The following DRC3 variants were observed in gnomAD, a reference collection of about 807,000 sequenced individuals.
DRC3 encodes the protein dynein regulatory complex subunit 3, also known as leucine rich repeat containing 48.
In DRC3, 45 loss-of-function variants were observed where a neutral mutation model predicts 57.6. The ratio of observed to expected loss-of-function variants is 0.78; its 90% CI spans 0.62 to 1.00. DRC3 has a LOEUF of 1.00. Among genes scored for constraint, DRC3 ranks in the 50% least tolerant of loss-of-function variants. The pLI is 0.00. For synonymous variants in DRC3, 257 were observed against 272.3 expected (o/e 0.94, Z 0.55); for missense variants, 655 against 675.2 (o/e 0.97, Z 0.33).
intron 12 of DRC3, among the ~76,000 whole-genome samples, chr17:18,014,687 A>G (rs2044291738): frequency 6.6e-6 from 1 of 152,124 alleles, no homozygotes; most frequent in South Asian, 2.1e-4. Context: ...GAGCTCCACT[A>G]TGACCCACCT....
chr17:17,995,128 A>AG lies in DRC3; in HGVS notation c.824+17_824+18insG. The stretch of plus-strand genomic sequence containing the variant: ...CCTTGAGACATATCCTTCTGAGTTC[A>AG]TGGCTGTCTCAGAGCCTCTGCCACC... On this transcript the variant is annotated intron_variant, in intron 8 of 13. Coordinates refer to ENST00000399187, the MANE Select transcript of DRC3 (RefSeq NM_031294.4). 6.3e-7 allele frequency: 1 copy of AG among 1,583,204 alleles called. No homozygotes were observed. The highest frequency in any genetic ancestry group is 1.1e-5 in the South Asian group (1 of 90,168).
At chr17:17,986,360 A>G (rs2042956177) in intron 4 of DRC3, among the ~76,000 whole-genome samples, 1 of 152,178 alleles carries the variant, frequency 6.6e-6, no homozygotes, top group Non-Finnish European at 1.5e-5. Context: ...GGCCTGGCAT[A>G]GAGAAAGGAC....
At chr17:17,990,805 A>G (rs2043192012) in intron 5 of DRC3, among the ~76,000 whole-genome samples, 1 of 152,214 alleles carries the variant, frequency 6.6e-6, no homozygotes, top group African/African-American at 2.4e-5. Context: ...AAGCTTGGCC[A>G]ACATGGCGAA....
Position 17,977,665 on chromosome 17 carries a change from G to A in DRC3, c.67G>A (p.Gly23Arg), listed in dbSNP as rs199764732. 47 of 1,613,948 alleles carry A rather than the reference G, an allele frequency of 2.9e-5. No homozygotes were observed. The African/African-American group carries it at 4.1e-4, about 14-fold the overall frequency. The change falls in exon 3 of 14, where the codon GGG becomes AGG. Residue 23 changes from glycine (G) to arginine (R), a missense_variant. Coordinates refer to ENST00000399187, the MANE Select transcript of DRC3 (RefSeq NM_031294.4). ...CGATGACATGCTCAAGCTGGCCGTC[G>A]GGGACCAGGGCCCCCAGGAGGAGGC... ...MDDDMLKLAV[G>R]DQGPQEEAGQ...
rs779317595 is a variant in DRC3 at position 17,997,504 on chromosome 17, A to G, written c.869A>G (p.Tyr290Cys). 3.7e-6 allele frequency: 6 copies of G among 1,613,344 alleles called. No homozygotes were observed. Among genetic ancestry groups the G allele is most frequent in the Middle Eastern group, 1.6e-4 (1 of 6,062 alleles). ...ATCATCTGCGTGAATATTTTTGAGT[A>G]TGGCCTGAAACAGCAGGAGAAGCGG... is the stretch of plus-strand genomic sequence containing the variant. Reference protein sequence around the residue: ...FVIICVNIFEYGLKQQEKRKT... With the variant: ...FVIICVNIFECGLKQQEKRKT... Residue 290 changes from tyrosine to cysteine, a missense_variant, in exon 9 of 14, where the codon TAT (tyrosine) becomes TGT (cysteine). Coordinates refer to ENST00000399187, the MANE Select transcript of DRC3 (RefSeq NM_031294.4).
chr17:17,986,755 C>T (rs530797410), intron 4 of DRC3, among the ~76,000 whole-genome samples: 4 of 151,284 alleles, frequency 2.6e-5, no homozygotes, highest in African/African-American at 4.9e-5. Flanking sequence ...TAAGCCACTA[C>T]GCCCAGCCCC....
At chr17:18,009,583 GA>G (rs954381113) in intron 12 of DRC3, among the ~76,000 whole-genome samples, 8 of 152,312 alleles carry the variant, frequency 5.3e-5, no homozygotes, top group African/African-American at 1.9e-4. Context: ...GCACAGAGAT[GA>G]AGGTAACCTG....
intron 12 of DRC3, chr17:18,011,643 C>A (rs1568546486): frequency 5.2e-6 from 1 of 193,218 alleles, no homozygotes; most frequent in East Asian, 1.3e-4. Flanking sequence ...GCAGTGCCAC[C>A]CTGGGCAACT....
intron 8 of DRC3, among the ~76,000 whole-genome samples, chr17:17,996,124 G>A (rs556139608): frequency 9.2e-5 from 14 of 152,280 alleles, no homozygotes; most frequent in East Asian, 7.7e-4. Flanking sequence ...GGGTTCAAGC[G>A]ATTTTCCTGC....
intron 12 of DRC3, chr17:18,011,327 C>A: frequency 2.9e-6 from 1 of 347,088 alleles, no homozygotes; most frequent in South Asian, 2.1e-5. Flanking sequence ...AGGTTCAAGG[C>A]GTTTGTTGCC....
In DRC3 at chr17:18,007,495, C is replaced by G. The variant is rs754161611; in HGVS notation, c.1326+348C>G. On this transcript the variant is annotated intron_variant, in intron 12 of 13. Coordinates refer to ENST00000399187, the MANE Select transcript of DRC3 (RefSeq NM_031294.4). ...GAAGTCTGAGATTTCCCCTGGAGGT[C>G]TTCTTAACCTTAGAGTCTGTATAAT... The G allele has an allele frequency of 9.7e-6, 15 of 1,549,970 alleles. 1 individual carries two copies. In the South Asian group the frequency reaches 1.7e-4, roughly 17 times the overall value.
At chr17:17,975,112 T>G (rs1323333932) in intron 2 of DRC3, among the ~76,000 whole-genome samples, 1 of 152,144 alleles carries the variant, frequency 6.6e-6, no homozygotes, top group East Asian at 1.9e-4. Flanking sequence ...GAAAGCAAAC[T>G]TGATCTGTCA....
intron 9 of DRC3, among the ~76,000 whole-genome samples, chr17:18,002,599 C>T (rs1232365120): frequency 6.6e-6 from 1 of 152,216 alleles, no homozygotes; most frequent in Non-Finnish European, 1.5e-5. Context: ...ACTGTCTTTC[C>T]TTGCCAGGGT....
chr17:18,004,732 C>T (rs2043882407), intron 10 of DRC3: 1 of 495,288 alleles, frequency 2.0e-6, no homozygotes, highest in Non-Finnish European at 3.6e-6. Context: ...AATGGTCCCC[C>T]TATCCTGGAA....
chr17:17,992,662 G>A, intron 5 of DRC3, 103 bp from the exon 6 acceptor site: 3 of 1,297,650 alleles, frequency 2.3e-6, no homozygotes, highest in African/African-American at 1.5e-5. Context: ...TGATGGTGCT[G>A]TGGCCAGGCT....
intron 12 of DRC3, 190 bp downstream of exon 12, chr17:18,007,337 C>A (rs894113338): frequency 1.5e-5 from 22 of 1,496,142 alleles, no homozygotes; most frequent in Admixed American, 3.9e-5. Flanking sequence ...TGGTGGGGCA[C>A]CCAGTGGGGC....
At chr17:18,007,683 T>C in intron 12 of DRC3, 1 of 1,336,342 alleles carries the variant, frequency 7.5e-7, no homozygotes, top group South Asian at 1.7e-5. Context: ...CTCCCGGATG[T>C]CTGCGCTGGG....
At chr17:17,994,671 A>C (rs1315236642) in intron 7 of DRC3, among the ~76,000 whole-genome samples, 1 of 152,176 alleles carries the variant, frequency 6.6e-6, no homozygotes, top group African/African-American at 2.4e-5. Context: ...AATGTGCTAA[A>C]AACAGTCTGT....
intron 8 of DRC3, among the ~76,000 whole-genome samples, chr17:17,996,432 C>A (rs2043461069): frequency 6.6e-6 from 1 of 152,156 alleles, no homozygotes; most frequent in African/African-American, 2.4e-5. Flanking sequence ...AGAAAGAAAG[C>A]CTGTGCAGGG....
Sources: gnomAD v4.1 joint callset for allele counts (sites outside exome capture counted in the v4.1 genomes callset) on GRCh38, gnomAD v4.1.1 for gene constraint, MANE v1.5 for transcripts, NCBI Gene and HGNC (gene_info 2026-07-23, HGNC 2026-07-21) for gene names.